CCDC30: variants seen among roughly 807,000 people sequenced by gnomAD.
CCDC30 encodes the protein coiled-coil domain-containing protein 30.
A neutral mutation model predicts 100.2 loss-of-function variants in CCDC30; 70 were observed. The ratio of observed to expected loss-of-function variants is 0.70; its 90% confidence interval spans 0.58 to 0.85. The LOEUF is 0.85. CCDC30 is among the 40% of genes least tolerant of loss of function. The pLI, the probability that CCDC30 is intolerant of heterozygous loss-of-function variation, is 0.00. For synonymous variants in CCDC30, 233 were observed against 269.5 expected, an observed-to-expected ratio of 0.86 and a Z score of 1.33; for missense variants, 652 against 771.2, an observed-to-expected ratio of 0.85 and a Z score of 1.83.
At chr1:42,561,080 G>A (rs1415471757) in intron 6 of CCDC30, among the ~76,000 whole-genome samples, 1 of 152,194 alleles carries the variant, frequency 6.6e-6, no homozygotes, top group African/African-American at 2.4e-5. Context: ...AATTGAAAAG[G>A]AGGGACTCCT....
At chr1:42,494,480 G>A (rs1376130727) in intron 4 of CCDC30, among the ~76,000 whole-genome samples, 1 of 152,092 alleles carries the variant, frequency 6.6e-6, no homozygotes, top group Non-Finnish European at 1.5e-5. Context: ...AAAAGCAATG[G>A]CAACAAAAGC....
chr1:42,628,618 G>A lies in CCDC30; in HGVS notation c.1278-8619G>A, dbSNP rs577195494. Among the ~76,000 whole-genome samples the A allele has an allele frequency of 3.9e-5, 6 of 152,164 alleles. No homozygotes were observed. The South Asian group carries it at 6.2e-4, about 16-fold the overall frequency. On this transcript the variant is annotated intron_variant, in intron 11 of 16. Transcript: ENST00000668663. The stretch of plus-strand genomic sequence containing the variant: ...GGCCAGTCTTTCCTGTGCTATTCTC[G>A]TGATAGTGACTAAGTCTCATGAGAT...
At chr1:42,632,165 C>G (rs1279098009) in intron 11 of CCDC30, among the ~76,000 whole-genome samples, 1 of 152,124 alleles carries the variant, frequency 6.6e-6, no homozygotes, top group African/African-American at 2.4e-5. Context: ...ACTCAGGGTC[C>G]AAGGGCTCTT....
chr1:42,618,158 G>A (rs1362017921), intron 11 of CCDC30, among the ~76,000 whole-genome samples: 2 of 151,740 alleles, frequency 1.3e-5, no homozygotes, highest in African/African-American at 4.8e-5. Context: ...AAACCCAGAG[G>A]ATGACAGGTA....
At chr1:42,626,232 G>A (rs897263169) in intron 11 of CCDC30, among the ~76,000 whole-genome samples, 5 of 151,738 alleles carry the variant, frequency 3.3e-5, no homozygotes, top group African/African-American at 7.3e-5. Flanking sequence ...TTTGTTTCCA[G>A]TCTATTTGTA....
intron 6 of CCDC30, among the ~76,000 whole-genome samples, chr1:42,506,936 A>AT (rs35168048): frequency 4.6e-5 from 7 of 151,840 alleles, no homozygotes; most frequent in African/African-American, 7.3e-5. Context: ...TGTTAACCCC[A>AT]TTTTTTTTAG....
chr1:42,567,822 T>C (rs1645638740), intron 7 of CCDC30, among the ~76,000 whole-genome samples: 1 of 152,174 alleles, frequency 6.6e-6, no homozygotes, highest in Non-Finnish European at 1.5e-5. Flanking sequence ...TTACATATGA[T>C]TGGTACCCTA....
intron 6 of CCDC30, chr1:42,556,371 G>C: frequency 6.2e-7 from 1 of 1,613,928 alleles, no homozygotes; most frequent in Non-Finnish European, 8.5e-7. Context: ...CAGTCTCAGA[G>C]CTCTGGGGAT....
At chr1:42,507,684 A>G (rs1644416407) in intron 6 of CCDC30, among the ~76,000 whole-genome samples, 1 of 152,218 alleles carries the variant, frequency 6.6e-6, no homozygotes. Context: ...AAACCTGGTA[A>G]GTTGTTTTGA....
upstream of CCDC30, among the ~76,000 whole-genome samples, chr1:42,462,667 T>A (rs915919333): frequency 4.6e-5 from 7 of 152,350 alleles, no homozygotes; most frequent in East Asian, 1.2e-3. Flanking sequence ...AAAGATGATA[T>A]AAATTGAGTA....
downstream of CCDC30, among the ~76,000 whole-genome samples, chr1:42,657,037 G>A (rs1412586032): frequency 1.3e-5 from 2 of 152,082 alleles, no homozygotes; most frequent in Non-Finnish European, 2.9e-5. Context: ...CAAGAGGAGA[G>A]GATCAGTAAC....
At chr1:42,473,221 G>T in intron 1 of CCDC30, 1 of 1,231,492 alleles carries the variant, frequency 8.1e-7, no homozygotes. Context: ...GCTTATTCCA[G>T]CCAGCACAGT....
intron 2 of CCDC30, 80 bp from the exon 3 acceptor site, chr1:42,482,583 T>TTTTTTTTTTTTTTTTTTTTTTTTGAG (rs1643979903): frequency 1.1e-6 from 1 of 915,036 alleles, no homozygotes; most frequent in Admixed American, 4.3e-5. Context: ...TATTGGCTTT[T>TTTTTTTTTTTTTTTTTTTTTTTTGAG]AAACATTAAT....
chr1:42,618,461 C>T (rs1213801686), intron 11 of CCDC30, among the ~76,000 whole-genome samples: 3 of 152,052 alleles, frequency 2.0e-5, no homozygotes, highest in Admixed American at 2.0e-4. Context: ...GTCTGGAACT[C>T]CCGACCTCAG....
rs578146162 is a variant in CCDC30, at chr1:42,514,109, A to G, written c.456+15193A>G. On this transcript the variant is annotated intron_variant, in intron 6 of 16. Coordinates refer to ENST00000668663, the Ensembl canonical transcript of CCDC30. ...TTTGGTGAGGACAAATATCCAAACT[A>G]TATCAGATATACATCACATTTTGTT... Among the ~76,000 whole-genome samples, 7 of 152,334 alleles carry G rather than the reference A, an allele frequency of 4.6e-5. No homozygotes were observed. In the South Asian group the frequency reaches 1.4e-3, roughly 32 times the overall value.
At chr1:42,551,732 G>A (rs57493036) in intron 6 of CCDC30, among the ~76,000 whole-genome samples, 19,506 of 145,216 alleles carry the variant, frequency 0.13, 1,450 homozygotes, top group East Asian at 0.18. Flanking sequence ...CTTTTGAAAG[G>A]ATAAATTCTG....
In CCDC30 at chr1:42,599,454, T is replaced by A. The variant is rs12092327; in HGVS notation, c.1164+9971T>A. Among the ~76,000 whole-genome samples the A allele has an allele frequency of 1.2e-3, 178 of 152,262 alleles. 1 individual carries two copies. Among genetic ancestry groups the A allele is most frequent in the African/African-American group, 4.1e-3 (170 of 41,558 alleles). On this transcript the variant is annotated intron_variant, in intron 10 of 16. Transcript: ENST00000668663. ...AGGACAACAGAATCATATAAAATGC[T>A]CAATTAAAGTCACAAAAGGCATAAA...
chr1:42,638,818 G>A (rs1263973607), intron 12 of CCDC30, among the ~76,000 whole-genome samples: 1 of 152,050 alleles, frequency 6.6e-6, no homozygotes, highest in Non-Finnish European at 1.5e-5. Flanking sequence ...GGAGGTTGCA[G>A]TGAGCTGAGA....
chr1:42,506,691 A>T (rs1004241978), intron 6 of CCDC30, among the ~76,000 whole-genome samples: 1 of 152,186 alleles, frequency 6.6e-6, no homozygotes, highest in Non-Finnish European at 1.5e-5. Context: ...AGACCCTCTG[A>T]ACCATCCAGA....
Sources: gnomAD v4.1 joint callset for allele counts (sites outside exome capture counted in the v4.1 genomes callset) on GRCh38, gnomAD v4.1.1 for gene constraint, MANE v1.5 for transcripts, NCBI Gene and HGNC (gene_info 2026-07-23, HGNC 2026-07-21) for gene names.